NPAS3: variants seen among roughly 807,000 people sequenced by gnomAD.
NPAS3 encodes neuronal PAS domain-containing protein 3.
A neutral mutation model predicts 73.1 loss-of-function variants in NPAS3; 14 were observed. The ratio of observed to expected loss-of-function variants is 0.19; its 90% CI spans 0.13 to 0.30. The LOEUF (loss-of-function observed/expected upper bound fraction) is 0.30, where lower values mean the gene tolerates loss of function less well. Ranked by LOEUF, NPAS3 falls within the 10% of genes least tolerant of loss-of-function variation. NPAS3 has a pLI of 1.00. For missense variants in NPAS3, 1,096 were observed against 1,250.0 expected, an observed-to-expected ratio of 0.88 and a Z score of 1.86; for synonymous variants, 620 against 541.5, an observed-to-expected ratio of 1.14 and a Z score of -2.01.
intron 3 of NPAS3, among the ~76,000 whole-genome samples, chr14:33,353,384 T>C (rs1594755016): frequency 6.6e-6 from 1 of 152,358 alleles, no homozygotes; most frequent in South Asian, 2.1e-4. Flanking sequence ...TACTTGTTGC[T>C]TTTGTGATCC....
At chr14:33,501,867 CAA>C (rs989741740) in intron 4 of NPAS3, among the ~76,000 whole-genome samples, 7 of 152,020 alleles carry the variant, frequency 4.6e-5, no homozygotes, top group Admixed American at 4.6e-4. Context: ...TGTCACAAAA[CAA>C]AGAGATAACT....
intron 3 of NPAS3, among the ~76,000 whole-genome samples, chr14:33,284,747 T>A (rs1292543469): frequency 2.1e-5 from 3 of 145,174 alleles, no homozygotes; most frequent in Admixed American, 7.0e-5. Flanking sequence ...ATATTTCATA[T>A]CTATATATCT....
At chr14:33,448,263 T>TA (rs1420338200) in intron 4 of NPAS3, among the ~76,000 whole-genome samples, 1 of 152,174 alleles carries the variant, frequency 6.6e-6, no homozygotes, top group Non-Finnish European at 1.5e-5. Flanking sequence ...TGAGATCCTC[T>TA]AAGAAGAACA....
chr14:33,309,930 C>T (rs534466835), intron 3 of NPAS3, among the ~76,000 whole-genome samples: 69 of 152,238 alleles, frequency 4.5e-4, no homozygotes, highest in Middle Eastern at 6.8e-3. Context: ...GTCCCTCTAG[C>T]ACCCATACTT....
chr14:33,415,125 A>G (rs1426623592), intron 4 of NPAS3, among the ~76,000 whole-genome samples: 1 of 152,152 alleles, frequency 6.6e-6, no homozygotes, highest in African/African-American at 2.4e-5. Context: ...ACCTCCATGC[A>G]GAGCCCCAGA....
intron 1 of NPAS3, among the ~76,000 whole-genome samples, chr14:32,955,284 A>C (rs934794452): frequency 1.3e-5 from 2 of 152,122 alleles, no homozygotes; most frequent in African/African-American, 2.4e-5. Flanking sequence ...TAATTATCGA[A>C]GTGTACTCTA....
intron 3 of NPAS3, among the ~76,000 whole-genome samples, chr14:33,261,084 T>A (rs1222904007): frequency 2.6e-5 from 4 of 152,188 alleles, no homozygotes; most frequent in Non-Finnish European, 2.9e-5. Context: ...GAATACCATC[T>A]TTCCTTTCTT....
At chr14:33,355,150 C>T (rs1397277193) in intron 3 of NPAS3, among the ~76,000 whole-genome samples, 1 of 152,208 alleles carries the variant, frequency 6.6e-6, no homozygotes, top group Non-Finnish European at 1.5e-5. Flanking sequence ...GTGTTCTTCT[C>T]TCTACCCAAA....
intron 1 of NPAS3, among the ~76,000 whole-genome samples, chr14:33,012,847 G>T (rs2039260407): frequency 6.6e-6 from 1 of 152,158 alleles, no homozygotes; most frequent in Non-Finnish European, 1.5e-5. Flanking sequence ...ACAGCGCCCG[G>T]CCCAAAGTCG....
Position 33,800,052 on chromosome 14 carries a change from A to C in NPAS3, c.1745A>C (p.Asp582Ala). ...TCACTCACGTCCGACAGCGCCAAGG[A>C]CTCGGACAGCGCAGGCGAGGCGGGC... is the stretch of plus-strand genomic sequence containing the variant. The change falls in exon 12 of 12, where the codon GAC (aspartate) becomes GCC (alanine). Residue 582 changes from aspartate (D) to alanine (A), a missense_variant. Asp to Ala is a moderately radical substitution (Grantham distance 126). Around this residue, in one of 5 missense-constraint regions of NPAS3, gnomAD observed 698 missense variants for 676.7 expected, o/e 1.03. Coordinates refer to ENST00000356141, the Ensembl canonical transcript of NPAS3. The surrounding 1 kb of genome is among the most constrained non-coding windows in gnomAD (Gnocchi z 6.5). The C allele has an allele frequency of 6.2e-7, 1 of 1,607,310 alleles. No homozygotes were observed. The highest frequency in any genetic ancestry group is 8.5e-7 in the Non-Finnish European group (1 of 1,179,004).
chr14:33,419,267 G>A (rs1008109482), intron 4 of NPAS3, among the ~76,000 whole-genome samples: 4 of 151,832 alleles, frequency 2.6e-5, no homozygotes, highest in Non-Finnish European at 4.4e-5. Flanking sequence ...GCTAACATTA[G>A]AGAAGAGACA....
chr14:33,170,471 G>A (rs774028894), intron 2 of NPAS3, among the ~76,000 whole-genome samples: 3 of 152,150 alleles, frequency 2.0e-5, no homozygotes, highest in Non-Finnish European at 4.4e-5. Context: ...ACAAGACAAT[G>A]ATGAAGTGTT....
At chr14:33,502,237 C>T (rs1484484606) in intron 4 of NPAS3, among the ~76,000 whole-genome samples, 1 of 151,504 alleles carries the variant, frequency 6.6e-6, no homozygotes, top group Non-Finnish European at 1.5e-5. Context: ...CTGTTTCTAG[C>T]TCTAATTTAA....
At chr14:33,339,828 T>C (rs2044389857) in intron 3 of NPAS3, among the ~76,000 whole-genome samples, 1 of 152,250 alleles carries the variant, frequency 6.6e-6, no homozygotes, top group African/African-American at 2.4e-5. Context: ...TAAATCCATG[T>C]TTTAAGAAAA....
At chr14:33,006,385 A>C (rs1223520873) in intron 1 of NPAS3, among the ~76,000 whole-genome samples, 1 of 152,104 alleles carries the variant, frequency 6.6e-6, no homozygotes, top group Non-Finnish European at 1.5e-5. Context: ...CCCTGGACTT[A>C]AGACTTCGGT....
At chr14:33,197,269 T>TG (rs1300549499) in intron 2 of NPAS3, among the ~76,000 whole-genome samples, 434 of 20,798 alleles carry the variant, frequency 0.021, 3 homozygotes, top group Non-Finnish European at 0.038. Flanking sequence ...GTGTGTGTGT[T>TG]CTTTTTCAAT....
At position 32,948,034 on chromosome 14, in the gene NPAS3, C is replaced by T. The variant is rs544586401; in HGVS notation, c.50+8668C>T. 4.3e-4 allele frequency among the ~76,000 whole-genome samples: 66 copies of T among 152,222 alleles called. 2 individuals are homozygous for T. Among genetic ancestry groups the T allele is most frequent in the African/African-American group, 1.6e-3 (66 of 41,560 alleles). ...AGAATGCACAGCAAGACATTAGAAA[C>T]GTGAGGATTCCTCTACTGATTAAAG... is the stretch of plus-strand genomic sequence containing the variant. On this transcript the variant is annotated intron_variant, in intron 1 of 11. Coordinates refer to ENST00000356141, the Ensembl canonical transcript of NPAS3.
At chr14:33,372,671 G>A (rs533644106) in intron 4 of NPAS3, among the ~76,000 whole-genome samples, 1 of 152,238 alleles carries the variant, frequency 6.6e-6, no homozygotes, top group East Asian at 1.9e-4. Context: ...AGAGTTGAGG[G>A]TTCAAGGGAT....
intron 2 of NPAS3, among the ~76,000 whole-genome samples, chr14:33,074,687 G>C (rs1566532582): frequency 6.6e-6 from 1 of 152,220 alleles, no homozygotes; most frequent in African/African-American, 2.4e-5. Context: ...AGTGTTCTGG[G>C]ATTACAGGTG....
Sources: allele counts gnomAD v4.1 joint callset (sites outside exome capture counted in the v4.1 genomes callset), GRCh38; gene constraint gnomAD v4.1.1; regional missense constraint gnomAD v4.1.1; non-coding constraint Gnocchi (gnomAD v3.1); transcripts MANE v1.5; gene names NCBI Gene and HGNC (gene_info 2026-07-23, HGNC 2026-07-21).